Variants in CACNA2D4 observed in about 807,000 individuals in gnomAD.
CACNA2D4 encodes the protein voltage-dependent calcium channel subunit alpha-2/delta-4.
A neutral mutation model predicts 163.8 loss-of-function variants in CACNA2D4; 157 were observed. The observed-to-expected ratio is 0.96, with a 90% CI of 0.84 to 1.09. The LOEUF is 1.09. CACNA2D4 is among the 50% of genes least tolerant of loss of function. CACNA2D4 has a pLI of 0.00. For missense variants in CACNA2D4, 1,410 were observed against 1,479.9 expected, an observed-to-expected ratio of 0.95 and a Z score of 0.78; for synonymous variants, 598 against 586.9, an observed-to-expected ratio of 1.02 and a Z score of -0.27.
intron 13 of CACNA2D4, among the ~76,000 whole-genome samples, chr12:1,881,136 A>G (rs1383756002): frequency 6.6e-6 from 1 of 152,136 alleles, no homozygotes; most frequent in African/African-American, 2.4e-5. Flanking sequence ...CAGGAGAGGG[A>G]AGGAGGAAGA....
Position 1,816,210 on chromosome 12 carries a change from C to T in CACNA2D4, c.2552-4487G>A, listed in dbSNP as rs80025592. ...AGCCAGCTGTGTGCAGGAGACAACA[C>T]CTTATGATATTATGTTTGCAGACAA... is the stretch of plus-strand genomic sequence containing the variant. On this transcript the variant is annotated intron_variant, in intron 26 of 37. Coordinates refer to ENST00000382722, the MANE Select transcript of CACNA2D4 (RefSeq NM_172364.5). Among the ~76,000 whole-genome samples the T allele has an allele frequency of 4.5e-3, 687 of 152,302 alleles. 5 individuals carry two copies. Among genetic ancestry groups the T allele is most frequent in the African/African-American group, 0.016 (656 of 41,550 alleles).
At chr12:1,800,211 A>G (rs1179125512) in intron 32 of CACNA2D4, 159 bp from the exon 33 acceptor site, 1 of 947,392 alleles carries the variant, frequency 1.1e-6, no homozygotes, top group Non-Finnish European at 1.6e-6. Context: ...GGTCCCTCCC[A>G]GGGGCAGCAT....
At chr12:1,842,321 G>A (rs765773254) in intron 25 of CACNA2D4, among the ~76,000 whole-genome samples, 6 of 152,174 alleles carry the variant, frequency 3.9e-5, no homozygotes, top group African/African-American at 1.2e-4. Context: ...CCACGTGGTC[G>A]GGACTTAGCC....
At chr12:1,882,812 G>A in intron 13 of CACNA2D4, 55 bp downstream of exon 13, 2 of 1,599,090 alleles carry the variant, frequency 1.3e-6, no homozygotes, top group East Asian at 2.2e-5. Flanking sequence ...CTTACTCCCT[G>A]GGGTCCCTAA....
At position 1,917,049 on chromosome 12, in the gene CACNA2D4, A is replaced by T. The variant is rs954977204; in HGVS notation, c.227+1198T>A. On this transcript the variant is annotated intron_variant, in intron 1 of 37. Transcript: ENST00000382722. The surrounding 1 kb of genome is among the most constrained non-coding windows in gnomAD (Gnocchi z 4.3). ...GTTCTGGGGATGAAAATTGTTCTGA[A>T]CATCTCCTGCAGCAACAGATAGCGT... Among the ~76,000 whole-genome samples the T allele has an allele frequency of 1.3e-5, 2 of 151,998 alleles. No individual in the cohort carries two copies. Among genetic ancestry groups the T allele is most frequent in the Non-Finnish European group, 2.9e-5 (2 of 68,000 alleles).
rs1274386676 is a variant in CACNA2D4, at chr12:1,852,187, T to A, written c.2246+1764A>T. Among the ~76,000 whole-genome samples the A allele has an allele frequency of 4.6e-5, 7 of 152,328 alleles. No individual in the cohort carries two copies. In the East Asian group the frequency reaches 7.7e-4, roughly 17 times the overall value. On this transcript the variant is annotated intron_variant, in intron 23 of 37. Coordinates refer to ENST00000382722, the MANE Select transcript of CACNA2D4 (RefSeq NM_172364.5). Reference sequence around the variant, plus strand: ...ATCTTTAAACAGCGACAATTTTACTTCTTTCTTTCCAATTCTAATTGCCTC... The same window carrying A: ...ATCTTTAAACAGCGACAATTTTACTACTTTCTTTCCAATTCTAATTGCCTC...
chr12:1,872,968 T>C (rs1338913070), intron 18 of CACNA2D4, among the ~76,000 whole-genome samples: 1 of 152,140 alleles, frequency 6.6e-6, no homozygotes, highest in Non-Finnish European at 1.5e-5. Flanking sequence ...AGAGCAGTGG[T>C]TACGAATGGG....
rs1454789353 is a variant in CACNA2D4, at chr12:1,828,102, T to G, written c.2551+12637A>C. The G allele has an allele frequency of 4.8e-6, 7 of 1,471,298 alleles. No homozygotes were observed. The highest frequency in any genetic ancestry group is 6.3e-6 in the Non-Finnish European group (7 of 1,106,312). The allele number at this position is 1,471,298 out of a possible 1,614,324, so 91.1% of individuals were successfully genotyped here. A position where few individuals can be genotyped will look rare whatever the true frequency, so the allele number is the denominator to read the frequency against. On this transcript the variant is annotated intron_variant, in intron 26 of 37. Transcript: ENST00000382722. This position sits in a 1 kb window ranked among gnomAD's most constrained non-coding sequence, Gnocchi z 4.2. Reference sequence around the variant, plus strand: ...ACTGACAGGCGGCGCACCCAGGGGCTCCTCTCTCCCCAGAGCGACAGGGCC... The same window carrying G: ...ACTGACAGGCGGCGCACCCAGGGGCGCCTCTCTCCCCAGAGCGACAGGGCC...
chr12:1,795,600 CTG>C, intron 36 of CACNA2D4, 66 bp downstream of exon 36: 2 of 1,159,330 alleles, frequency 1.7e-6, no homozygotes, highest in Non-Finnish European at 2.6e-6. Flanking sequence ...TGCTCAAAAT[CTG>C]AGCCCTACAG....
intron 3 of CACNA2D4, among the ~76,000 whole-genome samples, chr12:1,911,021 ATTTT>A (rs374264665): frequency 5.2e-5 from 7 of 133,476 alleles, no homozygotes; most frequent in African/African-American, 2.1e-4. Flanking sequence ...CCGCAATACA[ATTTT>A]TTTTTTTTTT....
chr12:1,908,148 C>T, intron 4 of CACNA2D4, 111 bp from the exon 5 acceptor site: 1 of 1,182,578 alleles, frequency 8.5e-7, no homozygotes, highest in South Asian at 1.4e-5. Context: ...GCCGGGCGGC[C>T]ATCAGAGTCT....
intron 32 of CACNA2D4, 110 bp downstream of exon 32, chr12:1,800,276 T>C: frequency 8.2e-7 from 1 of 1,222,834 alleles, no homozygotes. Flanking sequence ...CCCCGGGGTC[T>C]GGTAGCAAGT....
intron 6 of CACNA2D4, among the ~76,000 whole-genome samples, chr12:1,893,486 C>G (rs376315568): frequency 1.3e-5 from 2 of 151,982 alleles, no homozygotes; most frequent in Non-Finnish European, 2.9e-5. Flanking sequence ...CCACTGCACT[C>G]CAGCCTAGGT....
At position 1,875,613 on chromosome 12, in the gene CACNA2D4, T is replaced by G. The variant is rs1865866550; in HGVS notation, c.1720-276A>C. Among the ~76,000 whole-genome samples the G allele has an allele frequency of 6.6e-6, 1 of 152,164 alleles. No homozygotes were observed. Among genetic ancestry groups the G allele is most frequent in the African/African-American group, 2.4e-5 (1 of 41,414 alleles). ...TGGGTCAGCTTGTTGGAGCTTTGGA[T>G]AGCCCTAATTGTTAGAAAGTTCCTC... is the stretch of plus-strand genomic sequence containing the variant. On this transcript the variant is annotated intron_variant, in intron 16 of 37. Coordinates refer to ENST00000382722, the MANE Select transcript of CACNA2D4 (RefSeq NM_172364.5). The surrounding 1 kb of genome is among the most constrained non-coding windows in gnomAD (Gnocchi z 4.0).
At chr12:1,849,076 CT>C (rs1385416301) in intron 23 of CACNA2D4, among the ~76,000 whole-genome samples, 1 of 152,170 alleles carries the variant, frequency 6.6e-6, no homozygotes, top group East Asian at 1.9e-4. Flanking sequence ...TTTCCTGCCC[CT>C]GTCCTGGAAT....
At chr12:1,807,833 C>T (rs1167571058) in intron 29 of CACNA2D4, among the ~76,000 whole-genome samples, 5 of 152,262 alleles carry the variant, frequency 3.3e-5, no homozygotes, top group South Asian at 2.1e-4. Flanking sequence ...GAGCCAAGCA[C>T]GGCGGGAGCG....
intron 37 of CACNA2D4, among the ~76,000 whole-genome samples, chr12:1,794,571 C>T (rs1863057756): frequency 6.6e-6 from 1 of 152,176 alleles, no homozygotes; most frequent in African/African-American, 2.4e-5. Flanking sequence ...ATGAGCCTGT[C>T]TCAGGCTCCG....
intron 13 of CACNA2D4, among the ~76,000 whole-genome samples, chr12:1,880,789 TAATTG>T (rs1865977336): frequency 6.6e-6 from 1 of 152,210 alleles, no homozygotes; most frequent in South Asian, 2.1e-4. Flanking sequence ...CGATGACATC[TAATTG>T]TTTTCTGAGC....
chr12:1,800,021 A>C lies in CACNA2D4; in HGVS notation c.2953T>G (p.Trp985Gly), dbSNP rs1004386324. ...TCACCCTCGGCCCCTCTGTCGTACC[A>C]GGAGCCCCAGACACTCCACTCCAGC... Reference protein sequence around the residue: ...FLLEWSVWGSWYDRGAEAKSV... With the variant: ...FLLEWSVWGSGYDRGAEAKSV... The change falls in exon 33 of 38, where the codon TGG becomes GGG. Residue 985 changes from tryptophan (W) to glycine (G), a missense_variant. By Grantham distance (184) the Trp-to-Gly change is radical (BLOSUM62 -2). Transcript: ENST00000382722. 1 of 1,604,828 alleles carries C rather than the reference A, an allele frequency of 6.2e-7. No homozygotes were observed. Among genetic ancestry groups the C allele is most frequent in the Non-Finnish European group, 8.5e-7 (1 of 1,176,002 alleles).
Sources: gnomAD v4.1 joint callset for allele counts (sites outside exome capture counted in the v4.1 genomes callset) on GRCh38, gnomAD v4.1.1 for gene constraint, Gnocchi (gnomAD v3.1) non-coding constraint, MANE v1.5 for transcripts, NCBI Gene and HGNC (gene_info 2026-07-23, HGNC 2026-07-21) for gene names.